Variants in SMARCAD1 observed in about 807,000 individuals in gnomAD.
The protein encoded by SMARCAD1 is SNF2 related chromatin remodeling ATPase with DExD box 1.
Under a neutral mutation model 127.1 loss-of-function variants are expected in SMARCAD1, and 25 were observed. That is an observed-to-expected ratio of 0.20 (90% CI 0.14 to 0.27). The LOEUF is 0.27. Among genes scored for constraint, SMARCAD1 ranks in the 10% least tolerant of loss-of-function variants. The pLI, the probability that SMARCAD1 is intolerant of heterozygous loss-of-function variation, is 1.00. For missense variants in SMARCAD1, 807 were observed against 1,206.0 expected, an observed-to-expected ratio of 0.67 and a Z score of 4.90; for synonymous variants, 400 against 396.9, an observed-to-expected ratio of 1.01 and a Z score of -0.09.
chr4:94,260,159 T>C (rs941669683), intron 9 of SMARCAD1, among the ~76,000 whole-genome samples: 4 of 152,142 alleles, frequency 2.6e-5, no homozygotes, highest in Non-Finnish European at 4.4e-5. Context: ...ACTGGACTAG[T>C]ACTTTCTGTA....
In SMARCAD1 at chr4:94,226,110, C is replaced by T. The variant is rs1744944327; in HGVS notation, c.191-9C>T. 3 of 1,604,052 alleles carry T rather than the reference C, an allele frequency of 1.9e-6. No homozygotes were observed. The highest frequency in any genetic ancestry group is 1.7e-6 in the Non-Finnish European group (2 of 1,172,386). On this transcript the variant is annotated splice_polypyrimidine_tract_variant and intron_variant, in intron 2 of 23. Coordinates refer to ENST00000354268, the MANE Select transcript of SMARCAD1 (RefSeq NM_020159.5). ...TCAAAATATTTTTCTCCTTTTTATT[C>T]TCTTGCAGAAGATTCTAGTGTTCCA...
intron 19 of SMARCAD1, among the ~76,000 whole-genome samples, chr4:94,280,147 G>C (rs949600369): frequency 2.0e-5 from 3 of 152,166 alleles, no homozygotes; most frequent in African/African-American, 7.2e-5. Context: ...TTATAGGCGT[G>C]AGCCACTGCA....
chr4:94,222,213 G>A (rs866803483), intron 2 of SMARCAD1, among the ~76,000 whole-genome samples: 1 of 152,118 alleles, frequency 6.6e-6, no homozygotes, highest in Non-Finnish European at 1.5e-5. Flanking sequence ...CATATCAATG[G>A]TTTGGCATAT....
chr4:94,255,600 T>C lies in SMARCAD1; in HGVS notation c.1281+2593T>C, dbSNP rs182989057. Among the ~76,000 whole-genome samples the C allele has an allele frequency of 1.1e-4, 17 of 152,080 alleles. No individual in the cohort carries two copies. In the East Asian group the frequency reaches 3.3e-3, roughly 29 times the overall value. The stretch of plus-strand genomic sequence containing the variant: ...GTAAGTATAATATACTTATTAATAT[T>C]ACCTACTTGGTAATCTAATTTCAGT... On this transcript the variant is annotated intron_variant, in intron 9 of 23. Coordinates refer to ENST00000354268, the MANE Select transcript of SMARCAD1 (RefSeq NM_020159.5).
At chr4:94,256,148 G>A (rs1474130297) in intron 9 of SMARCAD1, among the ~76,000 whole-genome samples, 1 of 152,150 alleles carries the variant, frequency 6.6e-6, no homozygotes, top group Non-Finnish European at 1.5e-5. Context: ...ATGTTAATCA[G>A]AGTAGTAATG....
At chr4:94,223,770 A>C (rs1744561565) in intron 2 of SMARCAD1, among the ~76,000 whole-genome samples, 1 of 135,858 alleles carries the variant, frequency 7.4e-6, no homozygotes. Context: ...TAAAGTAGAG[A>C]CGAGGTTTCA....
At chr4:94,277,528 C>G (rs1467238763) in intron 16 of SMARCAD1, among the ~76,000 whole-genome samples, 1 of 151,652 alleles carries the variant, frequency 6.6e-6, no homozygotes, top group African/African-American at 2.4e-5. Flanking sequence ...TAAAACTAGA[C>G]AAAGCTAGAA....
At chr4:94,271,168 T>C (rs942865657) in intron 11 of SMARCAD1, among the ~76,000 whole-genome samples, 1 of 152,254 alleles carries the variant, frequency 6.6e-6, no homozygotes, top group African/African-American at 2.4e-5. Context: ...GCAGATGTTG[T>C]GTATGTACAT....
chr4:94,236,690 GTATA>G (rs1182549528), intron 4 of SMARCAD1, among the ~76,000 whole-genome samples: 1 of 152,050 alleles, frequency 6.6e-6, no homozygotes, highest in African/African-American at 2.4e-5. Context: ...AGAAAATACT[GTATA>G]TATGTGATTG....
rs758908976 is a variant in SMARCAD1, at chr4:94,226,220, A to G, written c.292A>G (p.Ser98Gly). Reference sequence around the variant, plus strand: ...ACAGTATATTGATTTGTCTTCTGATAGTGAAGATGTCGTTTCCCCAAATTG... The same window carrying G: ...ACAGTATATTGATTTGTCTTCTGATGGTGAAGATGTCGTTTCCCCAAATTG... ...GIQYIDLSSDSEDVVSPNCSN... is the reference protein window; with the variant it reads ...GIQYIDLSSDGEDVVSPNCSN... The change falls in exon 3 of 24, where the codon AGT becomes GGT. Residue 98 changes from serine to glycine, a missense_variant. Transcript: ENST00000354268. 1 of 1,613,166 alleles carries G rather than the reference A, an allele frequency of 6.2e-7. No homozygotes were observed. Among genetic ancestry groups the G allele is most frequent in the Non-Finnish European group, 8.5e-7 (1 of 1,179,252 alleles).
intron 10 of SMARCAD1, among the ~76,000 whole-genome samples, chr4:94,268,413 G>A (rs997685110): frequency 1.3e-5 from 2 of 152,040 alleles, no homozygotes; most frequent in African/African-American, 2.4e-5. Context: ...TTGTATGTTG[G>A]GATGGCATGT....
chr4:94,213,470 A>G (rs983011935), intron 2 of SMARCAD1, among the ~76,000 whole-genome samples: 1 of 152,146 alleles, frequency 6.6e-6, no homozygotes, highest in African/African-American at 2.4e-5. Context: ...GAAAAGATAG[A>G]AGTGTAAACC....
chr4:94,279,993 T>C (rs1188411151), intron 19 of SMARCAD1, among the ~76,000 whole-genome samples: 1 of 152,038 alleles, frequency 6.6e-6, no homozygotes, highest in African/African-American at 2.4e-5. Context: ...GCATCCTGAG[T>C]AGCTGGGATT....
Position 94,224,937 on chromosome 4 carries a change from T to C in SMARCAD1, c.191-1182T>C, listed in dbSNP as rs551047613. 8.6e-4 allele frequency among the ~76,000 whole-genome samples: 131 copies of C among 152,344 alleles called. 1 individual carries two copies. Among genetic ancestry groups the C allele is most frequent in the Non-Finnish European group, 1.6e-3 (108 of 68,028 alleles). ...TCATTTTTAACCTTTGAACTAAAGA[T>C]TCAACTGGTCATTGCTTTTTAAAAT... On this transcript the variant is annotated intron_variant, in intron 2 of 23. Coordinates refer to ENST00000354268, the MANE Select transcript of SMARCAD1 (RefSeq NM_020159.5).
At chr4:94,271,533 A>C (rs1475186975) in intron 11 of SMARCAD1, among the ~76,000 whole-genome samples, 2 of 152,232 alleles carry the variant, frequency 1.3e-5, no homozygotes, top group Non-Finnish European at 2.9e-5. Context: ...ATAAAAGTTA[A>C]CACAGATAAT....
Position 94,278,693 on chromosome 4 carries a change from G to C in SMARCAD1, c.2256G>C (p.Leu752Phe). ...AMSEKQEQLYLGLFNRLKKSI... is the reference protein window; with the variant it reads ...AMSEKQEQLYFGLFNRLKKSI... Reference sequence around the variant, plus strand: ...CGGAGAAGCAGGAGCAACTCTATTTGGGTCTTTTCAACAGATTGAAAAAAT... The same window carrying C: ...CGGAGAAGCAGGAGCAACTCTATTTCGGTCTTTTCAACAGATTGAAAAAAT... Residue 752 changes from leucine to phenylalanine, a missense_variant, in exon 18 of 24, where the codon TTG (leucine) becomes TTC (phenylalanine). Physicochemically the swap from Leu to Phe is conservative, Grantham distance 22 (BLOSUM62 0). Coordinates refer to ENST00000354268, the MANE Select transcript of SMARCAD1 (RefSeq NM_020159.5). 4 of 1,613,906 alleles carry C rather than the reference G, an allele frequency of 2.5e-6. No individual in the cohort carries two copies. Among genetic ancestry groups the C allele is most frequent in the South Asian group, 1.1e-5 (1 of 91,066 alleles).
At chr4:94,246,737 G>T (rs116920764) in intron 6 of SMARCAD1, among the ~76,000 whole-genome samples, 1 of 152,284 alleles carries the variant, frequency 6.6e-6, no homozygotes, top group East Asian at 1.9e-4. Flanking sequence ...AGTGGATCAA[G>T]TGATACTCTC....
At chr4:94,209,558 CAT>C (rs1301709563) in intron 2 of SMARCAD1, among the ~76,000 whole-genome samples, 2 of 152,178 alleles carry the variant, frequency 1.3e-5, no homozygotes, top group Admixed American at 6.5e-5. Context: ...TGGTAACACA[CAT>C]GTTTATCCTT....
In SMARCAD1 at chr4:94,273,599, G is replaced by A; in HGVS notation, c.1573-18G>A. ...TGTTTGTTTTAAAATGTTATATATT[G>A]TCTTTTAAACTTTTTAGGGCCTAGG... On this transcript the variant is annotated intron_variant, in intron 11 of 23. Transcript: ENST00000354268. 1 of 1,561,476 alleles carries A rather than the reference G, an allele frequency of 6.4e-7. No individual in the cohort carries two copies. Among genetic ancestry groups the A allele is most frequent in the Non-Finnish European group, 8.8e-7 (1 of 1,134,026 alleles).
Sources: allele counts gnomAD v4.1 joint callset (sites outside exome capture counted in the v4.1 genomes callset), GRCh38; gene constraint gnomAD v4.1.1; transcripts MANE v1.5; gene names NCBI Gene and HGNC (gene_info 2026-07-23, HGNC 2026-07-21).